MYL12B: variants seen among roughly 807,000 people sequenced by gnomAD.
MYL12B encodes the protein myosin regulatory light chain 12B.
A neutral mutation model predicts 12.9 loss-of-function variants in MYL12B; 3 were observed. That is an observed-to-expected ratio of 0.23 (90% CI 0.11 to 0.60). The LOEUF (loss-of-function observed/expected upper bound fraction) is 0.60, where lower values mean the gene tolerates loss of function less well. Ranked by LOEUF, MYL12B falls within the 20% of genes least tolerant of loss-of-function variation. The pLI is 0.89. For synonymous variants in MYL12B, 57 were observed against 71.9 expected (o/e 0.79, Z 1.05); for missense variants, 120 against 215.4 (o/e 0.56, Z 2.77).
intron 1 of MYL12B, among the ~76,000 whole-genome samples, chr18:3,272,513 A>C (rs993949585): frequency 1.3e-5 from 2 of 152,234 alleles, no homozygotes; most frequent in African/African-American, 4.8e-5. Context: ...GACAAGGTAC[A>C]TCAATAATTT....
intron 3 of MYL12B, 122 bp downstream of exon 3, chr18:3,277,536 T>C: frequency 1.4e-6 from 2 of 1,440,622 alleles, no homozygotes; most frequent in East Asian, 4.8e-5. Flanking sequence ...TTTGTAAGCA[T>C]ATGATCTGTT....
intron 1 of MYL12B, chr18:3,272,203 T>C: frequency 4.9e-6 from 4 of 815,870 alleles, no homozygotes; most frequent in Non-Finnish European, 5.4e-6. Flanking sequence ...ATATGTTATC[T>C]CAATTAGTTC....
intron 1 of MYL12B, among the ~76,000 whole-genome samples, chr18:3,264,052 T>G (rs941944024): frequency 1.3e-5 from 2 of 152,230 alleles, no homozygotes; most frequent in African/African-American, 4.8e-5. Flanking sequence ...GGCACATCTT[T>G]AGCACCCAGT....
chr18:3,271,419 A>T (rs1180226304), intron 1 of MYL12B, among the ~76,000 whole-genome samples: 1 of 152,220 alleles, frequency 6.6e-6, no homozygotes, highest in African/African-American at 2.4e-5. Flanking sequence ...AGCTTGAATA[A>T]ATAGAAGTAG....
At chr18:3,276,847 G>T (rs1481397185) in intron 2 of MYL12B, 6 of 806,696 alleles carry the variant, frequency 7.4e-6, no homozygotes, top group Non-Finnish European at 9.0e-6. Flanking sequence ...GACCAGCCTG[G>T]GCAACATAGT....
At chr18:3,276,372 A>G (rs1272882636) in intron 2 of MYL12B, 3 of 969,524 alleles carry the variant, frequency 3.1e-6, no homozygotes, top group African/African-American at 1.8e-5. Flanking sequence ...CACTCCCACC[A>G]TGTCTGGCCA....
intron 1 of MYL12B, among the ~76,000 whole-genome samples, chr18:3,266,412 A>AATATCTTATTGTCACG (rs1330854295): frequency 2.0e-5 from 3 of 152,198 alleles, no homozygotes. Context: ...CTCATTTCAC[A>AATATCTTATTGTCACG]ATATCTTATT....
intron 1 of MYL12B, among the ~76,000 whole-genome samples, chr18:3,270,678 TTTGA>T (rs869062352): frequency 6.6e-6 from 1 of 152,042 alleles, no homozygotes; most frequent in African/African-American, 2.4e-5. Flanking sequence ...TTTGATTTGA[TTTGA>T]TTTTTTGAGA....
intron 1 of MYL12B, among the ~76,000 whole-genome samples, chr18:3,268,372 G>A (rs2081650641): frequency 6.6e-6 from 1 of 151,492 alleles, no homozygotes; most frequent in Non-Finnish European, 1.5e-5. Flanking sequence ...GTAAGGGTTG[G>A]ATTAGTTTTT....
intron 1 of MYL12B, among the ~76,000 whole-genome samples, chr18:3,268,893 A>G (rs1429181007): frequency 6.6e-6 from 1 of 152,198 alleles, no homozygotes; most frequent in Non-Finnish European, 1.5e-5. Flanking sequence ...CATTTAATGT[A>G]CATAATGTTT....
intron 1 of MYL12B, among the ~76,000 whole-genome samples, chr18:3,264,846 A>G (rs2081624498): frequency 6.6e-6 from 1 of 152,224 alleles, no homozygotes; most frequent in African/African-American, 2.4e-5. Context: ...TAACTTGGAG[A>G]GAATTTTCTG....
chr18:3,273,562 C>T (rs1028220435), intron 2 of MYL12B, among the ~76,000 whole-genome samples: 2 of 151,774 alleles, frequency 1.3e-5, no homozygotes, highest in Admixed American at 1.3e-4. Context: ...TGTAAAGATA[C>T]AGGATTTAAA....
chr18:3,276,283 T>C (rs2144366087), intron 2 of MYL12B: 1 of 207,876 alleles, frequency 4.8e-6, no homozygotes, highest in East Asian at 2.0e-4. Context: ...ACACAACCAG[T>C]GGTAGAACTG....
At chr18:3,266,337 G>T (rs1429000865) in intron 1 of MYL12B, among the ~76,000 whole-genome samples, 1 of 151,848 alleles carries the variant, frequency 6.6e-6, no homozygotes, top group Non-Finnish European at 1.5e-5. Context: ...GGCTCCCGCC[G>T]ATTGAGTGAT....
intron 1 of MYL12B, chr18:3,263,192 A>G (rs2081608563): frequency 6.6e-6 from 1 of 152,244 alleles, no homozygotes; most frequent in South Asian, 2.1e-4. Context: ...AGAAAAGATT[A>G]TCTAAGAAGC....
chr18:3,274,081 ACTTTT>A (rs565158529), intron 2 of MYL12B, among the ~76,000 whole-genome samples: 147 of 152,310 alleles, frequency 9.7e-4, no homozygotes, highest in African/African-American at 3.4e-3. Flanking sequence ...ACATTTTGTA[ACTTTT>A]CTTTATCTAG....
chr18:3,277,483 G>T, intron 3 of MYL12B, 69 bp downstream of exon 3: 2 of 1,541,302 alleles, frequency 1.3e-6, no homozygotes, highest in Non-Finnish European at 1.7e-6. Flanking sequence ...AATAGAAGGG[G>T]TTTTCTTTTT....
intron 2 of MYL12B, 78 bp from the exon 3 acceptor site, chr18:3,277,175 G>C: frequency 7.4e-7 from 1 of 1,348,706 alleles, no homozygotes; most frequent in African/African-American, 1.5e-5. Context: ...AAAATATGTT[G>C]GGGAGCATAA....
intron 2 of MYL12B, among the ~76,000 whole-genome samples, chr18:3,275,993 AC>A (rs1646793840): frequency 6.6e-6 from 1 of 152,134 alleles, no homozygotes; most frequent in Admixed American, 6.5e-5. Flanking sequence ...ATTAAAACTT[AC>A]ATATGAACTA....
Sources: gnomAD v4.1 joint callset for allele counts (sites outside exome capture counted in the v4.1 genomes callset) on GRCh38, gnomAD v4.1.1 for gene constraint, MANE v1.5 for transcripts, NCBI Gene and HGNC (gene_info 2026-07-23, HGNC 2026-07-21) for gene names.